Variants in RORB observed in about 807,000 individuals in gnomAD.
The protein encoded by RORB is RAR related orphan receptor B, also known as nuclear receptor ROR-beta.
A neutral mutation model predicts 59.1 loss-of-function variants in RORB; 6 were observed. That is an observed-to-expected ratio of 0.10 (90% CI 0.06 to 0.20). The LOEUF (loss-of-function observed/expected upper bound fraction) is 0.20. RORB is among the 10% of genes least tolerant of loss of function. RORB has a pLI of 1.00. For missense variants in RORB, 320 were observed against 560.5 expected (o/e 0.57, Z 4.33); for synonymous variants, 215 against 204.5 (o/e 1.05, Z -0.44).
In RORB at chr9:74,633,930, C is replaced by T. The variant is rs950377990; in HGVS notation, c.94-701C>T. Among the ~76,000 whole-genome samples, 11 of 151,826 alleles carry T rather than the reference C, an allele frequency of 7.2e-5. No individual in the cohort carries two copies. In the South Asian group the frequency reaches 2.1e-3, roughly 29 times the overall value. On this transcript the variant is annotated intron_variant, in intron 2 of 9. Transcript: ENST00000376896. ...AAAAACAACTTTCCAGACCCGGTCA[C>T]GGTGGCACACACCTGTAGTCCCAGC...
intron 7 of RORB, among the ~76,000 whole-genome samples, chr9:74,667,260 C>T (rs1348468290): frequency 6.6e-6 from 1 of 152,180 alleles, no homozygotes; most frequent in East Asian, 1.9e-4. Context: ...AGTGAAATTT[C>T]CAAGGAAATT....
At chr9:74,518,220 T>A (rs1057431831) in intron 1 of RORB, among the ~76,000 whole-genome samples, 16 of 151,996 alleles carry the variant, frequency 1.1e-4, no homozygotes, top group African/African-American at 3.6e-4. Flanking sequence ...ATTTATCTTC[T>A]TCTTTAAGTC....
chr9:74,544,657 C>T (rs1826460969), intron 1 of RORB, among the ~76,000 whole-genome samples: 1 of 152,202 alleles, frequency 6.6e-6, no homozygotes, highest in African/African-American at 2.4e-5. Flanking sequence ...TAGGAAACCT[C>T]ATCACGACCA....
At chr9:74,683,174 A>G (rs1351461953) in intron 9 of RORB, among the ~76,000 whole-genome samples, 1 of 152,202 alleles carries the variant, frequency 6.6e-6, no homozygotes, top group Non-Finnish European at 1.5e-5. Flanking sequence ...GCACATCATC[A>G]ATTCAACTGC....
At chr9:74,635,186 G>A (rs1322116843) in intron 3 of RORB, among the ~76,000 whole-genome samples, 1 of 152,170 alleles carries the variant, frequency 6.6e-6, no homozygotes, top group Admixed American at 6.5e-5. Context: ...TGCTTACTGT[G>A]TGGAGACACT....
At chr9:74,675,692 G>T (rs151330563) in intron 9 of RORB, among the ~76,000 whole-genome samples, 125 of 152,336 alleles carry the variant, frequency 8.2e-4, no homozygotes, top group African/African-American at 2.8e-3. Flanking sequence ...AAGCTGCAAA[G>T]CATACAGTGT....
At chr9:74,545,191 A>T (rs1826468750) in intron 1 of RORB, among the ~76,000 whole-genome samples, 1 of 151,344 alleles carries the variant, frequency 6.6e-6, no homozygotes, top group African/African-American at 2.4e-5. Flanking sequence ...GTTAAGTTGC[A>T]TGGAGTTCAT....
At chr9:74,648,515 G>A (rs570127810) in intron 4 of RORB, among the ~76,000 whole-genome samples, 17 of 152,186 alleles carry the variant, frequency 1.1e-4, no homozygotes, top group Non-Finnish European at 2.2e-4. Flanking sequence ...TAGAAGAGAG[G>A]AGGGGACTTG....
At chr9:74,649,197 G>A (rs893987950) in intron 4 of RORB, among the ~76,000 whole-genome samples, 1 of 151,904 alleles carries the variant, frequency 6.6e-6, no homozygotes, top group African/African-American at 2.4e-5. Flanking sequence ...TAACACACCC[G>A]CCTCAGCCTC....
At chr9:74,500,328 A>C (rs1390135426) in intron 1 of RORB, among the ~76,000 whole-genome samples, 2 of 152,194 alleles carry the variant, frequency 1.3e-5, no homozygotes, top group Non-Finnish European at 2.9e-5. Flanking sequence ...GCCCTACCAC[A>C]GTATGAGAGG....
intron 4 of RORB, among the ~76,000 whole-genome samples, chr9:74,658,618 A>G (rs1222471921): frequency 6.6e-6 from 1 of 152,174 alleles, no homozygotes; most frequent in African/African-American, 2.4e-5. Context: ...AACAAACTAC[A>G]CCAAGAAGAT....
intron 1 of RORB, among the ~76,000 whole-genome samples, chr9:74,562,467 G>A (rs775334155): frequency 1.6e-4 from 25 of 152,030 alleles, no homozygotes; most frequent in Non-Finnish European, 3.2e-4. Context: ...ATTTGTTTGG[G>A]AATCTCATCT....
chr9:74,502,224 A>G (rs947759798), intron 1 of RORB, among the ~76,000 whole-genome samples: 1 of 152,142 alleles, frequency 6.6e-6, no homozygotes, highest in Admixed American at 6.5e-5. Context: ...CTAATTTTAC[A>G]GGAACAATAA....
intron 1 of RORB, among the ~76,000 whole-genome samples, chr9:74,628,081 A>G (rs1823550630): frequency 1.3e-5 from 2 of 152,182 alleles, no homozygotes; most frequent in Admixed American, 1.3e-4. Flanking sequence ...AGAAAGCATA[A>G]GATCAGATAT....
intron 1 of RORB, among the ~76,000 whole-genome samples, chr9:74,519,844 A>G (rs1826058338): frequency 6.6e-6 from 1 of 151,988 alleles, no homozygotes; most frequent in Admixed American, 6.6e-5. Context: ...GCTAATTAAA[A>G]ACATGCCTGA....
chr9:74,675,760 T>C (rs1407925504), intron 9 of RORB, among the ~76,000 whole-genome samples: 2 of 152,192 alleles, frequency 1.3e-5, no homozygotes, highest in African/African-American at 2.4e-5. Context: ...AGGAGCTCCA[T>C]GACTTGTGCT....
intron 1 of RORB, among the ~76,000 whole-genome samples, chr9:74,547,716 T>A (rs1348985726): frequency 2.0e-5 from 3 of 151,958 alleles, no homozygotes; most frequent in Admixed American, 1.3e-4. Context: ...GAAGATGAGG[T>A]CACAGAATTA....
chr9:74,527,628 C>T (rs1056769030), intron 1 of RORB, among the ~76,000 whole-genome samples: 3 of 151,980 alleles, frequency 2.0e-5, no homozygotes, highest in Non-Finnish European at 4.4e-5. Context: ...TCATTTAGCT[C>T]AACCCCCTGG....
chr9:74,532,195 T>C (rs910867057), intron 1 of RORB, among the ~76,000 whole-genome samples: 1 of 152,034 alleles, frequency 6.6e-6, no homozygotes, highest in Non-Finnish European at 1.5e-5. Flanking sequence ...TGCTATTCTA[T>C]ACATAAGGGA....
Sources: gnomAD v4.1 joint callset for allele counts (sites outside exome capture counted in the v4.1 genomes callset) on GRCh38, gnomAD v4.1.1 for gene constraint, MANE v1.5 for transcripts, NCBI Gene and HGNC (gene_info 2026-07-23, HGNC 2026-07-21) for gene names.